Variants in RAB38 observed in about 807,000 individuals in gnomAD.
RAB38 encodes the protein ras-related protein Rab-38.
A neutral mutation model predicts 18.4 loss-of-function variants in RAB38; 15 were observed. The observed-to-expected ratio is 0.82, with a 90% CI of 0.55 to 1.26. The LOEUF is 1.26. RAB38 is among the 50% of genes most tolerant of loss of function. The probability of loss-of-function intolerance (pLI) is 0.00; values close to 1 mark genes in which losing one functional copy is unlikely to be tolerated. For synonymous variants in RAB38, 101 were observed against 104.4 expected (o/e 0.97, Z 0.20); for missense variants, 294 against 267.4 (o/e 1.10, Z -0.69).
the RAB38 span, among the ~76,000 whole-genome samples, chr11:87,951,026 T>C: frequency 6.6e-6 from 1 of 152,208 alleles, no homozygotes; most frequent in Non-Finnish European, 1.5e-5. Context: ...GGTACACCAA[T>C]CAGACATAGA....
the RAB38 span, among the ~76,000 whole-genome samples, chr11:87,977,411 AAATAT>A: frequency 1.9e-5 from 2 of 103,738 alleles, no homozygotes; most frequent in Non-Finnish European, 3.5e-5. Context: ...TTATATTATA[AAATAT>A]AATTATATTA....
In RAB38 at chr11:88,175,407, C is replaced by T. The variant is rs371871949; in HGVS notation, c.-23G>A. On this transcript the variant is annotated 5_prime_UTR_variant, in exon 1 of 3. Coordinates refer to ENST00000243662, the MANE Select transcript of RAB38 (RefSeq NM_022337.3). ...CATCCTGGCGGCCGGCCAGACGTGC[C>T]GTGCCTGACCAGGGAAGCGCAGCCT... 3 of 1,552,306 alleles carry T rather than the reference C, an allele frequency of 1.9e-6. No homozygotes were observed. Among genetic ancestry groups the T allele is most frequent in the Non-Finnish European group, 2.6e-6 (3 of 1,140,428 alleles).
At chr11:87,887,753 C>G in the RAB38 span, among the ~76,000 whole-genome samples, 1 of 151,848 alleles carries the variant, frequency 6.6e-6, no homozygotes, top group Non-Finnish European at 1.5e-5. Context: ...AAGGCAAATT[C>G]ATGAATAATC....
the RAB38 span, among the ~76,000 whole-genome samples, chr11:87,876,912 T>C: frequency 2.6e-5 from 4 of 151,544 alleles, no homozygotes; most frequent in African/African-American, 9.7e-5. Flanking sequence ...ATTAAACACA[T>C]AATATAGTTT....
At chr11:87,935,862 T>C in the RAB38 span, among the ~76,000 whole-genome samples, 1 of 152,138 alleles carries the variant, frequency 6.6e-6, no homozygotes, top group Non-Finnish European at 1.5e-5. Context: ...TAGAATTGAT[T>C]TTTATTCACT....
chr11:88,085,594 C>T, the RAB38 span, among the ~76,000 whole-genome samples: 1 of 151,766 alleles, frequency 6.6e-6, no homozygotes, highest in Non-Finnish European at 1.5e-5. Context: ...AAAATAGTTA[C>T]ATCAATTCAA....
At chr11:88,069,599 T>G in the RAB38 span, among the ~76,000 whole-genome samples, 3 of 152,220 alleles carry the variant, frequency 2.0e-5, no homozygotes, top group African/African-American at 7.2e-5. Context: ...TCAGGGTTCA[T>G]GGATGCACCA....
chr11:88,031,859 C>T, the RAB38 span, among the ~76,000 whole-genome samples: 43 of 152,288 alleles, frequency 2.8e-4, 1 homozygote, highest in East Asian at 3.1e-3. Context: ...TGACTTTCTT[C>T]ACAGAATTGG....
intron 2 of RAB38, among the ~76,000 whole-genome samples, chr11:88,139,425 C>A (rs1242973211): frequency 6.6e-6 from 1 of 152,140 alleles, no homozygotes; most frequent in Non-Finnish European, 1.5e-5. Flanking sequence ...TCTCACTGCT[C>A]TTGTAAAAGC....
chr11:88,065,451 G>C, the RAB38 span, among the ~76,000 whole-genome samples: 1 of 152,166 alleles, frequency 6.6e-6, no homozygotes, highest in African/African-American at 2.4e-5. Context: ...CAGAGAAAAT[G>C]TCTAGCTGTA....
chr11:87,853,103 T>C, the RAB38 span, among the ~76,000 whole-genome samples: 5 of 152,140 alleles, frequency 3.3e-5, no homozygotes, highest in East Asian at 9.6e-4. Flanking sequence ...AGAATGTCTA[T>C]TTGGGTTAAA....
the RAB38 span, among the ~76,000 whole-genome samples, chr11:87,965,820 G>C: frequency 6.6e-6 from 1 of 152,240 alleles, no homozygotes; most frequent in East Asian, 1.9e-4. Flanking sequence ...TTAGGCCTAA[G>C]GTAAATGGAA....
At chr11:88,076,956 CAAA>C in the RAB38 span, among the ~76,000 whole-genome samples, 437 of 42,776 alleles carry the variant, frequency 0.01, 6 homozygotes, top group African/African-American at 0.038. Context: ...GAGACTCCAT[CAAA>C]AAAAAAAAAA....
chr11:88,016,632 G>A, the RAB38 span, among the ~76,000 whole-genome samples: 4 of 152,130 alleles, frequency 2.6e-5, no homozygotes, highest in Non-Finnish European at 5.9e-5. Context: ...AATACTTATA[G>A]ATGACCTATC....
chr11:88,085,888 G>C, the RAB38 span, among the ~76,000 whole-genome samples: 1 of 151,898 alleles, frequency 6.6e-6, no homozygotes, highest in Admixed American at 6.6e-5. Flanking sequence ...AGTTGAGGCT[G>C]TTCTTACACC....
At chr11:88,111,577 G>C (rs758995362), downstream of RAB38, among the ~76,000 whole-genome samples, 2 of 152,104 alleles carry the variant, frequency 1.3e-5, no homozygotes, top group African/African-American at 2.4e-5. Flanking sequence ...ACAGGGAGAG[G>C]CTATACTCTT....
At chr11:88,021,771 A>AG in the RAB38 span, among the ~76,000 whole-genome samples, 5 of 145,244 alleles carry the variant, frequency 3.4e-5, no homozygotes, top group African/African-American at 5.0e-5. Flanking sequence ...TAGTAGAGGC[A>AG]GGGTTTCACA....
the RAB38 span, among the ~76,000 whole-genome samples, chr11:87,856,170 C>T: frequency 6.6e-6 from 1 of 152,278 alleles, no homozygotes; most frequent in East Asian, 1.9e-4. Flanking sequence ...GGTTATACGT[C>T]CTGATCTTTA....
the RAB38 span, among the ~76,000 whole-genome samples, chr11:88,063,718 G>T: frequency 6.6e-6 from 1 of 152,126 alleles, no homozygotes; most frequent in Non-Finnish European, 1.5e-5. Context: ...GTCCCATGAG[G>T]TTTATTGGTT....
Sources: gnomAD v4.1 joint callset for allele counts (sites outside exome capture counted in the v4.1 genomes callset) on GRCh38, gnomAD v4.1.1 for gene constraint, MANE v1.5 for transcripts, NCBI Gene and HGNC (gene_info 2026-07-23, HGNC 2026-07-21) for gene names.